HTR2C: variants seen among roughly 807,000 people sequenced by gnomAD.
HTR2C encodes 5-hydroxytryptamine (serotonin) receptor 2C, G protein-coupled.
HTR2C carries 5 observed loss-of-function variants against 21.0 expected under a neutral mutation model. The observed-to-expected ratio is 0.24, with a 90% CI of 0.12 to 0.50. HTR2C has a LOEUF of 0.50. HTR2C is among the 20% of genes least tolerant of loss of function. HTR2C has a pLI of 0.98. For missense variants in HTR2C, 271 were observed against 371.2 expected (o/e 0.73, Z 2.22); for synonymous variants, 150 against 145.3 (o/e 1.03, Z -0.23).
At chrX:114,649,071 A>G (rs1442879971) in intron 2 of HTR2C, among the ~76,000 whole-genome samples, 3 of 112,201 alleles carry the variant, frequency 2.7e-5, no homozygotes, top group South Asian at 7.4e-4. Flanking sequence ...ACAGCAGTAC[A>G]TAAATTTAGA....
At chrX:114,599,841 C>G (rs1319226629) in intron 1 of HTR2C, among the ~76,000 whole-genome samples, 14 of 112,157 alleles carry the variant, frequency 1.2e-4, no homozygotes, top group African/African-American at 4.2e-4. Flanking sequence ...ACATAGCCCA[C>G]AGCAATCCTG....
intron 5 of HTR2C, among the ~76,000 whole-genome samples, chrX:114,888,287 G>A (rs1282534923): frequency 2.7e-5 from 3 of 111,719 alleles, no homozygotes; most frequent in Admixed American, 9.6e-5. Context: ...GTAGCCATAG[G>A]TCTTTAGGCT....
chrX:114,875,828 C>T lies in HTR2C; in HGVS notation c.550+27625C>T, dbSNP rs782669809. On this transcript the variant is annotated intron_variant, in intron 5 of 5. Transcript: ENST00000276198. Reference sequence around the variant, plus strand: ...TAGTTTGAAATAAAGACATATGATGCCTCCATCTTGATTCCTCTTGCTTCT... The same window carrying T: ...TAGTTTGAAATAAAGACATATGATGTCTCCATCTTGATTCCTCTTGCTTCT... Among the ~76,000 whole-genome samples the T allele has an allele frequency of 6.0e-5, 6 of 99,676 alleles. No homozygotes were observed. In the East Asian group the frequency reaches 2.0e-3, roughly 33 times the overall value. The allele number at this position is 99,676 out of a possible 115,157, so 86.6% of individuals were successfully genotyped here.
intron 2 of HTR2C, among the ~76,000 whole-genome samples, chrX:114,657,023 C>A (rs1326138429): frequency 9.0e-6 from 1 of 110,759 alleles, no homozygotes; most frequent in Non-Finnish European, 1.9e-5. Context: ...GGGAAGCAGT[C>A]TTATCTTCAA....
intron 5 of HTR2C, among the ~76,000 whole-genome samples, chrX:114,872,349 G>A (rs2071099496): frequency 9.1e-6 from 1 of 110,195 alleles, no homozygotes; most frequent in African/African-American, 3.3e-5. Context: ...GCTTACTTTG[G>A]ATTTAGTTTG....
intron 4 of HTR2C, among the ~76,000 whole-genome samples, chrX:114,834,487 A>C (rs1215331222): frequency 9.1e-6 from 1 of 110,458 alleles, no homozygotes; most frequent in Non-Finnish European, 1.9e-5. Context: ...ATCTTTGTTG[A>C]TTTAAAGTCT....
At chrX:114,726,666 A>G in intron 2 of HTR2C, among the ~76,000 whole-genome samples, 192 bp from the exon 3 acceptor site, 1 of 112,634 alleles carries the variant, frequency 8.9e-6, no homozygotes, top group East Asian at 2.8e-4. Context: ...AAAAACTGCG[A>G]TGATAAATAA....
At chrX:114,808,563 A>G (rs782096273) in intron 4 of HTR2C, among the ~76,000 whole-genome samples, 3 of 111,497 alleles carry the variant, frequency 2.7e-5, no homozygotes, top group Non-Finnish European at 5.6e-5. Flanking sequence ...TAGTGGTTAT[A>G]TTCATTTACA....
chrX:114,798,423 G>C (rs1003942166), intron 4 of HTR2C, among the ~76,000 whole-genome samples: 29 of 111,619 alleles, frequency 2.6e-4, no homozygotes, highest in African/African-American at 9.1e-4. Context: ...TAAATTCACA[G>C]TGTTTGGGGT....
intron 4 of HTR2C, among the ~76,000 whole-genome samples, chrX:114,794,834 C>A (rs1362447259): frequency 2.1e-4 from 23 of 109,940 alleles, no homozygotes; most frequent in African/African-American, 7.6e-4. Context: ...CCACAATAAA[C>A]AAACGTGTGC....
At chrX:114,601,498 T>A (rs1928088988) in intron 1 of HTR2C, among the ~76,000 whole-genome samples, 1 of 107,749 alleles carries the variant, frequency 9.3e-6, no homozygotes, top group African/African-American at 3.4e-5. Context: ...GTGGGGGTGC[T>A]TTTTGAGCCA....
intron 2 of HTR2C, among the ~76,000 whole-genome samples, chrX:114,625,844 G>A (rs1929348392): frequency 1.8e-5 from 2 of 111,097 alleles, no homozygotes; most frequent in Non-Finnish European, 1.9e-5. Context: ...ATGAGGCAGG[G>A]CTGATGGTCT....
chrX:114,839,383 T>TA (rs1370115772), intron 4 of HTR2C, among the ~76,000 whole-genome samples: 5 of 111,878 alleles, frequency 4.5e-5, no homozygotes, highest in Admixed American at 9.5e-5. Context: ...AAAACTCCAA[T>TA]AAAAAAATCT....
rs782036210 is a variant in HTR2C at position 114,794,368 on chromosome X, GT to G, written c.350-53634del. Among the ~76,000 whole-genome samples the G allele has an allele frequency of 5.5e-5, 6 of 109,992 alleles. No individual in the cohort carries two copies. In the Admixed American group the frequency reaches 5.8e-4, roughly 11 times the overall value. ...AATTTACTGCTGAGTTTAGCCACAT[GT>G]CTTTTTTTATTTTATTATTATTATA... On this transcript the variant is annotated intron_variant, in intron 4 of 5. Coordinates refer to ENST00000276198, the MANE Select transcript of HTR2C (RefSeq NM_000868.4).
intron 4 of HTR2C, among the ~76,000 whole-genome samples, chrX:114,749,453 CAAAAAAAA>C (rs782652879): frequency 7.2e-5 from 3 of 41,908 alleles, no homozygotes; most frequent in Admixed American, 4.7e-4. Context: ...GTCCATGTCT[CAAAAAAAA>C]AAAAAAAAAA....
At chrX:114,870,758 A>G (rs1193497859) in intron 5 of HTR2C, among the ~76,000 whole-genome samples, 1 of 111,643 alleles carries the variant, frequency 9.0e-6, no homozygotes, top group Non-Finnish European at 1.9e-5. Context: ...CTGCATTATC[A>G]GTTGTAATGT....
intron 4 of HTR2C, among the ~76,000 whole-genome samples, chrX:114,842,078 A>G (rs782082115): frequency 3.6e-5 from 4 of 112,462 alleles, no homozygotes; most frequent in African/African-American, 1.3e-4. Context: ...ATCAACTATT[A>G]TGAAACTCAA....
At chrX:114,701,013 G>A (rs1040061096) in intron 2 of HTR2C, among the ~76,000 whole-genome samples, 6 of 112,250 alleles carry the variant, frequency 5.3e-5, no homozygotes, top group Non-Finnish European at 9.4e-5. Context: ...GGGGAGGGGC[G>A]ACCGCCATTG....
chrX:114,806,505 C>CAGTA (rs1556449813), intron 4 of HTR2C, among the ~76,000 whole-genome samples: 1 of 87,274 alleles, frequency 1.1e-5, no homozygotes, highest in Non-Finnish European at 2.2e-5. Flanking sequence ...TATATATACA[C>CAGTA]CATATATACA....
Sources: allele counts gnomAD v4.1 joint callset (sites outside exome capture counted in the v4.1 genomes callset), GRCh38; gene constraint gnomAD v4.1.1; transcripts MANE v1.5; gene names NCBI Gene and HGNC (gene_info 2026-07-23, HGNC 2026-07-21).